VOPP1: variants seen among roughly 807,000 people sequenced by gnomAD.
VOPP1 encodes VOPP1 WW domain binding protein.
Under a neutral mutation model 23.5 loss-of-function variants are expected in VOPP1, and 8 were observed. The ratio of observed to expected loss-of-function variants is 0.34; its 90% confidence interval spans 0.20 to 0.61. The LOEUF is 0.61. Among genes scored for constraint, VOPP1 ranks in the 20% least tolerant of loss-of-function variants. The pLI is 0.78. For synonymous variants in VOPP1, 83 were observed against 97.3 expected (o/e 0.85, Z 0.86); for missense variants, 174 against 238.1 (o/e 0.73, Z 1.77).
intron 4 of VOPP1, among the ~76,000 whole-genome samples, chr7:55,441,901 C>A (rs1345843708): frequency 6.6e-6 from 1 of 152,176 alleles, no homozygotes; most frequent in East Asian, 1.9e-4. Flanking sequence ...CTAAAATTAG[C>A]ACATTTTGAG....
chr7:55,498,502 C>T (rs1309841512), intron 2 of VOPP1, among the ~76,000 whole-genome samples: 5 of 152,182 alleles, frequency 3.3e-5, no homozygotes, highest in Non-Finnish European at 4.4e-5. Context: ...AACCCCACGT[C>T]CTCCTTGAAG....
At chr7:55,521,791 C>A in intron 1 of VOPP1, 2 of 985,754 alleles carry the variant, frequency 2.0e-6, no homozygotes, top group Non-Finnish European at 2.4e-6. Flanking sequence ...GGAGCAGGGG[C>A]CAGATGCCAC....
At chr7:55,524,564 G>A (rs916459217) in intron 1 of VOPP1, among the ~76,000 whole-genome samples, 2 of 152,178 alleles carry the variant, frequency 1.3e-5, no homozygotes, top group African/African-American at 4.8e-5. Context: ...GATTCCATTT[G>A]ACAGCCAGAT....
chr7:55,487,739 C>G (rs1301552230), intron 4 of VOPP1, among the ~76,000 whole-genome samples: 2 of 152,244 alleles, frequency 1.3e-5, no homozygotes, highest in Non-Finnish European at 2.9e-5. Flanking sequence ...TTAATGGCCA[C>G]ATAATATTCC....
intron 4 of VOPP1, among the ~76,000 whole-genome samples, chr7:55,443,644 CT>C (rs550168169): frequency 0.15 from 20,252 of 133,628 alleles, 1,448 homozygotes; most frequent in East Asian, 0.32. Context: ...ATTATTGTCC[CT>C]TTTTTTTTTT....
At chr7:55,518,980 C>T (rs1795659400) in intron 2 of VOPP1, among the ~76,000 whole-genome samples, 1 of 152,142 alleles carries the variant, frequency 6.6e-6, no homozygotes, top group African/African-American at 2.4e-5. Context: ...AGGGGAGAAA[C>T]AGAAAGACCA....
At chr7:55,541,389 A>T (rs1023953363) in intron 1 of VOPP1, among the ~76,000 whole-genome samples, 7 of 152,248 alleles carry the variant, frequency 4.6e-5, no homozygotes, top group African/African-American at 1.4e-4. Flanking sequence ...TCATTAGGGA[A>T]TTACAAGTAA....
chr7:55,443,462 G>A (rs1372302470), intron 4 of VOPP1, among the ~76,000 whole-genome samples: 1 of 151,988 alleles, frequency 6.6e-6, no homozygotes, highest in African/African-American at 2.4e-5. Flanking sequence ...GCTGAGGCAG[G>A]AGAATGGCAT....
intron 2 of VOPP1, among the ~76,000 whole-genome samples, chr7:55,505,668 AGGG>A (rs1794672347): frequency 2.5e-4 from 1 of 4,012 alleles, no homozygotes; most frequent in South Asian, 0.014. Flanking sequence ...GGAGGGAGGG[AGGG>A]AGGGAGGGAG....
At chr7:55,519,675 C>T (rs922380995) in intron 2 of VOPP1, among the ~76,000 whole-genome samples, 1 of 152,208 alleles carries the variant, frequency 6.6e-6, no homozygotes, top group Non-Finnish European at 1.5e-5. Flanking sequence ...TGTCTTTCTG[C>T]AGCTGCAGAG....
chr7:55,451,652 G>T (rs758041399), intron 4 of VOPP1, among the ~76,000 whole-genome samples: 1 of 152,046 alleles, frequency 6.6e-6, no homozygotes, highest in East Asian at 1.9e-4. Context: ...TCAGCTGGGC[G>T]TGCTGGCGGG....
chr7:55,445,204 CACACACACACAG>C (rs1415570901), intron 4 of VOPP1, among the ~76,000 whole-genome samples: 2 of 136,074 alleles, frequency 1.5e-5, no homozygotes, highest in African/African-American at 3.0e-5. Context: ...ACTTTCTCTA[CACACACACACAG>C]ACACACACAC....
At chr7:55,568,331 G>A (rs994565635) in intron 1 of VOPP1, among the ~76,000 whole-genome samples, 1 of 152,034 alleles carries the variant, frequency 6.6e-6, no homozygotes, top group East Asian at 1.9e-4. Context: ...CACCCGCCTC[G>A]CCCAAAGTGC....
intron 4 of VOPP1, among the ~76,000 whole-genome samples, chr7:55,453,005 A>G (rs1428155372): frequency 6.6e-6 from 1 of 152,160 alleles, no homozygotes; most frequent in Non-Finnish European, 1.5e-5. Flanking sequence ...ACAAAGTCCT[A>G]GATGGCATCT....
chr7:55,458,843 C>G (rs1449727158), intron 4 of VOPP1, among the ~76,000 whole-genome samples: 1 of 152,126 alleles, frequency 6.6e-6, no homozygotes, highest in Non-Finnish European at 1.5e-5. Context: ...TTGACTTACT[C>G]TTTTCCAATT....
intron 4 of VOPP1, among the ~76,000 whole-genome samples, chr7:55,475,856 G>A (rs796527487): frequency 2.4e-4 from 37 of 152,360 alleles, no homozygotes; most frequent in African/African-American, 8.4e-4. Context: ...TGTGTGCACG[G>A]TGGGGAATGG....
At chr7:55,479,291 G>A (rs924461121) in intron 4 of VOPP1, among the ~76,000 whole-genome samples, 5 of 151,566 alleles carry the variant, frequency 3.3e-5, no homozygotes, top group Admixed American at 6.6e-5. Context: ...ATCTCCTAAC[G>A]CTATCCCTCC....
intron 2 of VOPP1, among the ~76,000 whole-genome samples, chr7:55,501,592 G>A (rs1233093247): frequency 6.6e-6 from 1 of 152,156 alleles, no homozygotes; most frequent in South Asian, 2.1e-4. Flanking sequence ...TTAGTCAAAT[G>A]GCTCTTACCA....
chr7:55,436,004 C>T (rs1019911436), downstream of VOPP1: 1 of 152,328 alleles, frequency 6.6e-6, no homozygotes, highest in South Asian at 2.1e-4. Context: ...GAGTGTTCCT[C>T]TGCAGTGAGG....
Sources: allele counts gnomAD v4.1 joint callset (sites outside exome capture counted in the v4.1 genomes callset), GRCh38; gene constraint gnomAD v4.1.1; transcripts MANE v1.5; gene names NCBI Gene and HGNC (gene_info 2026-07-23, HGNC 2026-07-21).